ATRNL1: variants seen among roughly 807,000 people sequenced by gnomAD.
The protein encoded by ATRNL1 is attractin like 1.
ATRNL1 carries 95 observed loss-of-function variants against 182.7 expected under a neutral mutation model. That is an observed-to-expected ratio of 0.52 (90% CI 0.44 to 0.62). The LOEUF is 0.62. Among genes scored for constraint, ATRNL1 ranks in the 20% least tolerant of loss-of-function variants. The pLI, the probability that ATRNL1 is intolerant of heterozygous loss-of-function variation, is 0.00. For synonymous variants in ATRNL1, 576 were observed against 568.3 expected, an observed-to-expected ratio of 1.01 and a Z score of -0.19; for missense variants, 1,471 against 1,679.5, an observed-to-expected ratio of 0.88 and a Z score of 2.17.
rs1851628031 is a variant in ATRNL1 at position 115,266,831 on chromosome 10, C to A, written c.1807C>A (p.Leu603Ile). Residue 603 changes from leucine to isoleucine, a missense_variant, in exon 12 of 29, where the codon CTC becomes ATC. Around this residue, in one of 3 missense-constraint regions of ATRNL1, gnomAD observed 1,031 missense variants for 1,156.0 expected, o/e 0.89. Coordinates refer to ENST00000355044, the MANE Select transcript of ATRNL1 (RefSeq NM_207303.4). ...MYIFGGFSSV[L>I]LNDILVYKPP... is the part of the protein sequence containing the mutation. ...TATATTTGGGGGATTTTCTAGTGTA[C>A]TCCTTAATGATATCCTTGTATACAA... 2 of 1,608,654 alleles carry A rather than the reference C, an allele frequency of 1.2e-6. No individual in the cohort carries two copies. Among genetic ancestry groups the A allele is most frequent in the East Asian group, 2.2e-5 (1 of 44,668 alleles).
intron 28 of ATRNL1, among the ~76,000 whole-genome samples, chr10:115,925,727 T>G (rs782507244): frequency 2.0e-5 from 3 of 152,176 alleles, no homozygotes; most frequent in Admixed American, 2.0e-4. Context: ...ATTCTAAGTA[T>G]ACACGCACCC....
At chr10:115,693,804 A>T (rs574905507) in intron 26 of ATRNL1, among the ~76,000 whole-genome samples, 2 of 152,268 alleles carry the variant, frequency 1.3e-5, no homozygotes, top group Non-Finnish European at 2.9e-5. Context: ...ATAAGATAAA[A>T]ATTGGGCACA....
chr10:115,372,063 C>T (rs1210786358), intron 19 of ATRNL1, among the ~76,000 whole-genome samples: 1 of 152,168 alleles, frequency 6.6e-6, no homozygotes, highest in Admixed American at 6.5e-5. Context: ...CACCTTCTGC[C>T]GTGATTGTGT....
chr10:115,666,320 T>C (rs1426055348), intron 26 of ATRNL1, among the ~76,000 whole-genome samples: 1 of 152,168 alleles, frequency 6.6e-6, no homozygotes. Context: ...GTGTATCATG[T>C]TTTGACTAGT....
At chr10:115,192,869 T>TTG (rs782605305) in intron 8 of ATRNL1, among the ~76,000 whole-genome samples, 26 of 152,170 alleles carry the variant, frequency 1.7e-4, no homozygotes, top group Admixed American at 1.2e-3. Flanking sequence ...CTTTTTCAGA[T>TTG]TGTGCACTGT....
intron 20 of ATRNL1, among the ~76,000 whole-genome samples, chr10:115,423,776 G>A (rs1845753599): frequency 6.6e-6 from 1 of 152,048 alleles, no homozygotes; most frequent in African/African-American, 2.4e-5. Flanking sequence ...AAATCAAAAT[G>A]GATTAAAGAT....
intron 26 of ATRNL1, among the ~76,000 whole-genome samples, chr10:115,570,333 C>A (rs551021491): frequency 6.6e-6 from 1 of 152,282 alleles, no homozygotes; most frequent in African/African-American, 2.4e-5. Context: ...AACACCTCCC[C>A]AAAGACCCCA....
At chr10:115,697,076 CA>C (rs879976373) in intron 26 of ATRNL1, among the ~76,000 whole-genome samples, 1 of 152,058 alleles carries the variant, frequency 6.6e-6, no homozygotes, top group Non-Finnish European at 1.5e-5. Flanking sequence ...GGTGGGAACA[CA>C]AAGCCAAACT....
intron 26 of ATRNL1, among the ~76,000 whole-genome samples, chr10:115,601,372 A>G (rs2133943187): frequency 6.6e-6 from 1 of 152,268 alleles, no homozygotes; most frequent in Non-Finnish European, 1.5e-5. Flanking sequence ...AATTATTGTA[A>G]TGTCAATTAG....
intron 21 of ATRNL1, among the ~76,000 whole-genome samples, chr10:115,443,087 G>A (rs573045478): frequency 6.6e-6 from 1 of 152,034 alleles, no homozygotes; most frequent in African/African-American, 2.4e-5. Flanking sequence ...TTGCTATTCA[G>A]AATGGAATTT....
At chr10:115,342,209 C>T (rs1358950922) in intron 19 of ATRNL1, among the ~76,000 whole-genome samples, 1 of 151,740 alleles carries the variant, frequency 6.6e-6, no homozygotes, top group African/African-American at 2.4e-5. Context: ...ACATTATAAC[C>T]CATTATTTAA....
chr10:115,707,277 C>A (rs1378086409), intron 26 of ATRNL1, among the ~76,000 whole-genome samples: 2 of 151,722 alleles, frequency 1.3e-5, no homozygotes, highest in African/African-American at 4.8e-5. Flanking sequence ...TTCTTCTTTC[C>A]CTCTTACAGA....
chr10:115,889,340 G>T (rs572234474), intron 28 of ATRNL1, among the ~76,000 whole-genome samples: 27 of 143,118 alleles, frequency 1.9e-4, no homozygotes, highest in Non-Finnish European at 3.5e-4. Context: ...GTTTTTTGGG[G>T]TTTTTGTTTG....
intron 25 of ATRNL1, among the ~76,000 whole-genome samples, chr10:115,543,787 C>T (rs1852492772): frequency 6.6e-6 from 1 of 152,116 alleles, no homozygotes. Context: ...TTCAAAATGA[C>T]CATTTTATGA....
chr10:115,472,603 C>G (rs1848356670), intron 24 of ATRNL1, among the ~76,000 whole-genome samples: 1 of 150,968 alleles, frequency 6.6e-6, no homozygotes, highest in Admixed American at 6.6e-5. Context: ...CTTTTTGATG[C>G]TCCAGTAAAT....
intron 21 of ATRNL1, among the ~76,000 whole-genome samples, chr10:115,458,310 T>G (rs538372261): frequency 6.6e-6 from 1 of 152,268 alleles, no homozygotes; most frequent in South Asian, 2.1e-4. Context: ...TGCAGTTGGT[T>G]TCTGGAGTAC....
At chr10:115,377,695 GTA>G (rs1307027112) in intron 19 of ATRNL1, among the ~76,000 whole-genome samples, 2 of 152,126 alleles carry the variant, frequency 1.3e-5, no homozygotes, top group African/African-American at 4.8e-5. Context: ...TTGACAGTCT[GTA>G]TATGTCTTTA....
intron 24 of ATRNL1, among the ~76,000 whole-genome samples, chr10:115,474,843 C>T (rs1554972794): frequency 2.0e-5 from 3 of 151,336 alleles, no homozygotes. Flanking sequence ...CAATACCCTG[C>T]TATCAAAGTA....
At chr10:115,824,126 C>T (rs1950369423) in intron 27 of ATRNL1, among the ~76,000 whole-genome samples, 1 of 152,100 alleles carries the variant, frequency 6.6e-6, no homozygotes, top group South Asian at 2.1e-4. Context: ...TAATGCCACA[C>T]CTCTACAACC....
Sources: allele counts gnomAD v4.1 joint callset (sites outside exome capture counted in the v4.1 genomes callset), GRCh38; gene constraint gnomAD v4.1.1; regional missense constraint gnomAD v4.1.1; transcripts MANE v1.5; gene names NCBI Gene and HGNC (gene_info 2026-07-23, HGNC 2026-07-21).